The following CACNA1C variants were observed in gnomAD, a reference collection of about 807,000 sequenced individuals.
CACNA1C encodes the protein calcium voltage-gated channel subunit alpha1 C, also known as voltage-dependent L-type calcium channel subunit alpha-1C.
Under a neutral mutation model 229.0 loss-of-function variants are expected in CACNA1C, and 30 were observed. The observed-to-expected ratio is 0.13, with a 90% CI of 0.10 to 0.18. CACNA1C has a LOEUF of 0.18. Among genes scored for constraint, CACNA1C ranks in the 10% least tolerant of loss-of-function variants. The probability of loss-of-function intolerance (pLI) is 1.00; values close to 1 mark genes in which losing one functional copy is unlikely to be tolerated. For missense variants in CACNA1C, 1,658 were observed against 2,845.0 expected (o/e 0.58, Z 9.49); for synonymous variants, 1,114 against 1,132.5 (o/e 0.98, Z 0.33).
Position 2,630,666 on chromosome 12 carries a change from C to T in CACNA1C, c.3829-3631C>T, listed in dbSNP as rs938720977. Among the ~76,000 whole-genome samples, 2 of 152,114 alleles carry T rather than the reference C, an allele frequency of 1.3e-5. No homozygotes were observed. The highest frequency in any genetic ancestry group is 6.5e-5 in the Admixed American group (1 of 15,288). ...GGTGAAGAGCTGCCTCTTAAAGGGA[C>T]CCTGTTTGTGCCCAGACATGTACCC... On this transcript the variant is annotated intron_variant, in intron 29 of 46. Transcript: ENST00000399655. The surrounding 1 kb of genome is among the most constrained non-coding windows in gnomAD (Gnocchi z 5.4).
intron 3 of CACNA1C, among the ~76,000 whole-genome samples, chr12:2,227,302 C>T (rs907807102): frequency 2.0e-5 from 3 of 152,146 alleles, no homozygotes; most frequent in African/African-American, 7.2e-5. Context: ...GGAATTTATC[C>T]AGTCACAGGA....
intron 3 of CACNA1C, among the ~76,000 whole-genome samples, chr12:2,434,221 C>A (rs528458988): frequency 6.6e-6 from 1 of 152,118 alleles, no homozygotes; most frequent in Non-Finnish European, 1.5e-5. Flanking sequence ...CCTGACCCCC[C>A]GTCTGTAATC....
At position 2,632,799 on chromosome 12, in the gene CACNA1C, A is replaced by G. The variant is rs1346574459; in HGVS notation, c.3829-1498A>G. Among the ~76,000 whole-genome samples, 1 of 152,018 alleles carries G rather than the reference A, an allele frequency of 6.6e-6. No homozygotes were observed. Among genetic ancestry groups the G allele is most frequent in the African/African-American group, 2.4e-5 (1 of 41,378 alleles). Reference sequence around the variant, plus strand: ...TGCATTCAGCAGGACCCTACCTCCAAATGACCATGAAAGAACCTGGGGAGG... The same window carrying G: ...TGCATTCAGCAGGACCCTACCTCCAGATGACCATGAAAGAACCTGGGGAGG... On this transcript the variant is annotated intron_variant, in intron 29 of 46. Coordinates refer to ENST00000399655, the MANE Select transcript of CACNA1C (RefSeq NM_000719.7). The surrounding 1 kb of genome is among the most constrained non-coding windows in gnomAD (Gnocchi z 4.1).
At chr12:2,514,650 G>A (rs962407646) in intron 9 of CACNA1C, among the ~76,000 whole-genome samples, 1 of 152,136 alleles carries the variant, frequency 6.6e-6, no homozygotes, top group African/African-American at 2.4e-5. Context: ...TCCACCCTAA[G>A]TCAGAGCACT....
At chr12:2,516,046 G>C (rs1005169708) in intron 9 of CACNA1C, among the ~76,000 whole-genome samples, 8 of 152,188 alleles carry the variant, frequency 5.3e-5, no homozygotes, top group African/African-American at 1.9e-4. Flanking sequence ...TAGCATGCCA[G>C]AGAGGGGGGA....
chr12:2,325,593 G>A (rs769966081), intron 3 of CACNA1C, among the ~76,000 whole-genome samples: 6 of 152,352 alleles, frequency 3.9e-5, no homozygotes, highest in East Asian at 3.9e-4. Flanking sequence ...TTTGTAATAC[G>A]GGGATAAGTG....
chr12:2,330,313 G>A (rs1368373086), intron 3 of CACNA1C, among the ~76,000 whole-genome samples: 1 of 152,208 alleles, frequency 6.6e-6, no homozygotes, highest in Non-Finnish European at 1.5e-5. Context: ...CGTGAGCTTG[G>A]AGGATCACCT....
At chr12:2,071,932 G>C (rs145134952) in intron 1 of CACNA1C, among the ~76,000 whole-genome samples, 104 of 152,198 alleles carry the variant, frequency 6.8e-4, no homozygotes, top group African/African-American at 2.0e-3. Context: ...TGCCAGAACT[G>C]GAAATTTGAA....
At chr12:2,347,287 C>T (rs2097070088) in intron 3 of CACNA1C, among the ~76,000 whole-genome samples, 1 of 152,210 alleles carries the variant, frequency 6.6e-6, no homozygotes. Flanking sequence ...TGAGATGTAC[C>T]AGCACCCATG....
At chr12:1,995,801 A>C (rs2040657949) in intron 1 of CACNA1C, among the ~76,000 whole-genome samples, 1 of 151,320 alleles carries the variant, frequency 6.6e-6, no homozygotes, top group African/African-American at 2.4e-5. Flanking sequence ...CTTTATACTC[A>C]CTCCTTCAGG....
intron 3 of CACNA1C, among the ~76,000 whole-genome samples, chr12:2,430,572 T>TG (rs1205451328): frequency 1.0e-4 from 15 of 149,006 alleles, no homozygotes; most frequent in African/African-American, 3.8e-4. Flanking sequence ...GTCTGGGAGG[T>TG]GGTGGGGGGG....
At chr12:2,230,173 G>A (rs2064445751) in intron 3 of CACNA1C, among the ~76,000 whole-genome samples, 2 of 152,104 alleles carry the variant, frequency 1.3e-5, no homozygotes, top group Admixed American at 6.5e-5. Flanking sequence ...CTGGAGCCGC[G>A]GGCAGGCAGT....
chr12:2,622,135 T>C (rs980195745), intron 29 of CACNA1C, among the ~76,000 whole-genome samples: 5 of 151,148 alleles, frequency 3.3e-5, no homozygotes, highest in Non-Finnish European at 5.9e-5. Context: ...AGGATAAGAG[T>C]AGGGATGAGT....
rs536619375 is a variant in CACNA1C at position 2,254,536 on chromosome 12, C to T, written c.477+134106C>T. On this transcript the variant is annotated intron_variant, in intron 3 of 46. Transcript: ENST00000399655. Reference sequence around the variant, plus strand: ...CCTGTGCACCTTTTGTATCGTGCTGCGGCAAACTGGCACAGGGGATGTCAG... The same window carrying T: ...CCTGTGCACCTTTTGTATCGTGCTGTGGCAAACTGGCACAGGGGATGTCAG... 5.3e-5 allele frequency among the ~76,000 whole-genome samples: 8 copies of T among 152,158 alleles called. No individual in the cohort carries two copies. In the South Asian group the frequency reaches 8.3e-4, roughly 16 times the overall value.
chr12:2,119,521 A>G (rs958708530), intron 2 of CACNA1C, among the ~76,000 whole-genome samples: 1 of 152,196 alleles, frequency 6.6e-6, no homozygotes, highest in Non-Finnish European at 1.5e-5. Context: ...AATGTGATGA[A>G]GAAGTCAGGG....
intron 29 of CACNA1C, among the ~76,000 whole-genome samples, chr12:2,617,591 C>A (rs2153481091): frequency 6.6e-6 from 1 of 152,212 alleles, no homozygotes; most frequent in East Asian, 1.9e-4. Flanking sequence ...CTTTTCTCTG[C>A]AGGCTCTGCT....
chr12:2,274,856 G>A (rs2086991423), intron 3 of CACNA1C, among the ~76,000 whole-genome samples: 1 of 152,180 alleles, frequency 6.6e-6, no homozygotes, highest in South Asian at 2.1e-4. Flanking sequence ...TGGCTGGTGT[G>A]GGGCCCCGGC....
chr12:2,499,801 G>A (rs1185203338), intron 7 of CACNA1C, among the ~76,000 whole-genome samples: 1 of 151,722 alleles, frequency 6.6e-6, no homozygotes. Flanking sequence ...AGCAATCTGG[G>A]TCATTTTTTT....
At chr12:2,097,067 G>C (rs142288506) in intron 1 of CACNA1C, among the ~76,000 whole-genome samples, 1 of 152,166 alleles carries the variant, frequency 6.6e-6, no homozygotes, top group East Asian at 1.9e-4. Context: ...TCAAGTCCTC[G>C]CCTTCAATTC....
Sources: allele counts gnomAD v4.1 joint callset (sites outside exome capture counted in the v4.1 genomes callset), GRCh38; gene constraint gnomAD v4.1.1; non-coding constraint Gnocchi (gnomAD v3.1); transcripts MANE v1.5; gene names NCBI Gene and HGNC (gene_info 2026-07-23, HGNC 2026-07-21).